CDK4: variants seen among roughly 807,000 people sequenced by gnomAD.
CDK4 encodes cyclin dependent kinase 4, also known as cyclin-dependent kinase 4.
A neutral mutation model predicts 36.7 loss-of-function variants in CDK4; 13 were observed. That is an observed-to-expected ratio of 0.35 (90% CI 0.23 to 0.56). The LOEUF is 0.56. Ranked by LOEUF, CDK4 falls within the 20% of genes least tolerant of loss-of-function variation. The pLI is 0.85. For synonymous variants in CDK4, 158 were observed against 146.4 expected (o/e 1.08, Z -0.57); for missense variants, 285 against 387.3 (o/e 0.74, Z 2.22).
rs876660404 is a variant in CDK4, at chr12:57,748,536, T to G, written c.901A>C (p.Asn301His). ...AGCCACTCCATTGCTCACTCCGGATTACCTTCATCCTTATGTAGATAAGAG... is the reference window on the plus strand; with the variant it reads ...AGCCACTCCATTGCTCACTCCGGATGACCTTCATCCTTATGTAGATAAGAG... Reference protein sequence around the residue: ...QHSYLHKDEGNPE With the variant: ...QHSYLHKDEGHPE The change falls in exon 8 of 8, where the codon AAT (asparagine) becomes CAT (histidine). Residue 301 changes from asparagine (N) to histidine (H), a missense_variant. Coordinates refer to ENST00000257904, the MANE Select transcript of CDK4 (RefSeq NM_000075.4). 1 of 1,612,154 alleles carries G rather than the reference T, an allele frequency of 6.2e-7. No homozygotes were observed. The highest frequency in any genetic ancestry group is 8.5e-7 in the Non-Finnish European group (1 of 1,178,310).
Position 57,751,388 on chromosome 12 carries a change from T to G in CDK4, c.219-46A>C, listed in dbSNP as rs755175900. On this transcript the variant is annotated intron_variant, in intron 2 of 7. Coordinates refer to ENST00000257904, the MANE Select transcript of CDK4 (RefSeq NM_000075.4). The surrounding 1 kb of genome is among the most constrained non-coding windows in gnomAD (Gnocchi z 4.5). ...CTTTTCAATCCCCTTTAACCCAACATGGCCTCTCATTATTTCCTCAGGGTC... is the reference window on the plus strand; with the variant it reads ...CTTTTCAATCCCCTTTAACCCAACAGGGCCTCTCATTATTTCCTCAGGGTC... 3.7e-6 allele frequency: 6 copies of G among 1,613,852 alleles called. No homozygotes were observed. The highest frequency in any genetic ancestry group is 1.7e-6 in the Non-Finnish European group (2 of 1,179,894).
chr12:57,752,182 C>T lies in CDK4; in HGVS notation c.-27G>A, dbSNP rs1955244973. The T allele has an allele frequency of 3.9e-6, 1 of 258,100 alleles. No individual in the cohort carries two copies. The highest frequency in any genetic ancestry group is 7.6e-6 in the Non-Finnish European group (1 of 131,212). 16.0% of individuals were successfully genotyped at this position (258,100 alleles called of 1,614,324 possible). A position where few individuals can be genotyped will look rare whatever the true frequency, so the allele number is the denominator to read the frequency against. On this transcript the variant is annotated 5_prime_UTR_variant, in exon 1 of 8. Transcript: ENST00000257904. Reference sequence around the variant, plus strand: ...GGAAGGGACTGCACTTACCTCACGCCAGCCCGGGGTGCTGTGGGGGCGGCC... The same window carrying T: ...GGAAGGGACTGCACTTACCTCACGCTAGCCCGGGGTGCTGTGGGGGCGGCC...
At chr12:57,749,563 T>C (rs1955207678) in intron 5 of CDK4, 59 bp from the exon 6 acceptor site, 4 of 1,519,688 alleles carry the variant, frequency 2.6e-6, no homozygotes, top group Non-Finnish European at 3.7e-6. Flanking sequence ...AGTTGAATGG[T>C]TACTGCTTAG....
chr12:57,750,916 T>C lies in CDK4; in HGVS notation c.522+7A>G, dbSNP rs1294665075. The C allele has an allele frequency of 6.2e-7, 1 of 1,614,180 alleles. No individual in the cohort carries two copies. Among genetic ancestry groups the C allele is most frequent in the Non-Finnish European group, 8.5e-7 (1 of 1,180,020 alleles). ...AGAACCCATTTTGGTACCATCTTTC[T>C]ACTGACCACGGGTGTAAGTGCCATC... On this transcript the variant is annotated splice_region_variant and intron_variant, in intron 4 of 7. Transcript: ENST00000257904.
intron 6 of CDK4, 43 bp from the exon 7 acceptor site, chr12:57,749,360 TC>T: frequency 1.2e-6 from 2 of 1,613,926 alleles, no homozygotes; most frequent in East Asian, 2.2e-5. Flanking sequence ...GTCCTCCAGT[TC>T]CCATCCCCAT....
In CDK4 at chr12:57,751,213, C is replaced by G. The variant is rs761353033; in HGVS notation, c.348G>C (p.Thr116=). The change falls in exon 3 of 8, where the codon ACG becomes ACC. Residue 116 remains threonine, a synonymous_variant. Transcript: ENST00000257904. The surrounding 1 kb of genome is among the most constrained non-coding windows in gnomAD (Gnocchi z 4.5). ...KAPPPGLPAE[T]IKDLMRQFLR... ...GCCTACCAACCCCACTCACCTTGAT[C>G]GTTTCGGCTGGCAAGCCTGGTGGGG... is the stretch of plus-strand genomic sequence containing the variant. 6.2e-7 allele frequency: 1 copy of G among 1,614,214 alleles called. No individual in the cohort carries two copies. The highest frequency in any genetic ancestry group is 8.5e-7 in the Non-Finnish European group (1 of 1,180,042).
At position 57,751,558 on chromosome 12, in the gene CDK4, C is replaced by G. The variant is rs775085950; in HGVS notation, c.160G>C (p.Val54Leu). The stretch of plus-strand genomic sequence containing the variant: ...CGCCTCAGTAAAGCCACCTCACGAA[C>G]TGTGCTGATGGGAAGGCCTCCTCCA... ...GGGGGLPIST[V>L]REVALLRRLE... Residue 54 changes from valine (V) to leucine (L), a missense_variant, in exon 2 of 8, where the codon GTT (valine) becomes CTT (leucine). Coordinates refer to ENST00000257904, the MANE Select transcript of CDK4 (RefSeq NM_000075.4). The surrounding 1 kb of genome is among the most constrained non-coding windows in gnomAD (Gnocchi z 4.5). The G allele has an allele frequency of 3.1e-6, 5 of 1,614,206 alleles. No individual in the cohort carries two copies. Among genetic ancestry groups the G allele is most frequent in the Non-Finnish European group, 3.4e-6 (4 of 1,180,040 alleles).
At chr12:57,749,387 C>T (rs2140383495) in intron 6 of CDK4, 67 bp downstream of exon 6, 1 of 1,612,660 alleles carries the variant, frequency 6.2e-7, no homozygotes, top group Admixed American at 1.7e-5. Context: ...GAGCCAGTTG[C>T]CATCCTGGGT....
chr12:57,750,879 C>T (rs752243609), intron 4 of CDK4, 44 bp downstream of exon 4: 2 of 1,611,436 alleles, frequency 1.2e-6, no homozygotes, highest in Non-Finnish European at 8.5e-7. Flanking sequence ...AATCACTCTC[C>T]TACTCCCAAC....
In CDK4 at chr12:57,751,796, G is replaced by T; in HGVS notation, c.-19-60C>A. The T allele has an allele frequency of 7.8e-7, 1 of 1,274,922 alleles. No individual in the cohort carries two copies. The highest frequency in any genetic ancestry group is 1.1e-6 in the Non-Finnish European group (1 of 888,338). The allele number at this position is 1,274,922 out of a possible 1,614,324, so 79.0% of individuals were successfully genotyped here. ...TACAGAGTTAGGATGGTATGAGCCT[G>T]CAGCAACAAAGGGACTCCCAAAAAA... On this transcript the variant is annotated intron_variant, in intron 1 of 7. Transcript: ENST00000257904. This position sits in a 1 kb window ranked among gnomAD's most constrained non-coding sequence, Gnocchi z 4.5.
chr12:57,749,526 G>A (rs1955207107), intron 5 of CDK4, 22 bp from the exon 6 acceptor site: 5 of 1,612,324 alleles, frequency 3.1e-6, no homozygotes, highest in Non-Finnish European at 4.2e-6. Flanking sequence ...AGGGATATAA[G>A]GTAGCAGTCA....
Position 57,748,621 on chromosome 12 carries a change from A to G in CDK4, c.820-4T>C, listed in dbSNP as rs750073768. ...GTGGGTTAAAAGTCAGCATTTCCTGAGGGGAGAGGCAAAGGTCAGAAAACC... is the reference window on the plus strand; with the variant it reads ...GTGGGTTAAAAGTCAGCATTTCCTGGGGGGAGAGGCAAAGGTCAGAAAACC... On this transcript the variant is annotated splice_polypyrimidine_tract_variant and splice_region_variant and intron_variant, in intron 7 of 7. Transcript: ENST00000257904. 17 of 1,607,526 alleles carry G rather than the reference A, an allele frequency of 1.1e-5. No homozygotes were observed. In the South Asian group the frequency reaches 1.9e-4, roughly 18 times the overall value.
At position 57,748,623 on chromosome 12, in the gene CDK4, G is replaced by A. The variant is rs754966040; in HGVS notation, c.820-6C>T. 1 of 1,606,932 alleles carries A rather than the reference G, an allele frequency of 6.2e-7. No individual in the cohort carries two copies. The highest frequency in any genetic ancestry group is 1.1e-5 in the South Asian group (1 of 90,934). Reference sequence around the variant, plus strand: ...GGGTTAAAAGTCAGCATTTCCTGAGGGGAGAGGCAAAGGTCAGAAAACCAT... The same window carrying A: ...GGGTTAAAAGTCAGCATTTCCTGAGAGGAGAGGCAAAGGTCAGAAAACCAT... On this transcript the variant is annotated splice_polypyrimidine_tract_variant and splice_region_variant and intron_variant, in intron 7 of 7. Coordinates refer to ENST00000257904, the MANE Select transcript of CDK4 (RefSeq NM_000075.4).
In CDK4 at chr12:57,751,824, A is replaced by G. The variant is rs1955241543; in HGVS notation, c.-19-88T>C. 1 of 944,774 alleles carries G rather than the reference A, an allele frequency of 1.1e-6. No homozygotes were observed. Among genetic ancestry groups the G allele is most frequent in the Non-Finnish European group, 1.6e-6 (1 of 607,340 alleles). 58.5% of individuals were successfully genotyped at this position (944,774 alleles called of 1,614,324 possible). The stretch of plus-strand genomic sequence containing the variant: ...GCAACAAAGGGACTCCCAAAAAAAA[A>G]GCGCAAAGAACACCACCAGCATCCC... On this transcript the variant is annotated intron_variant, in intron 1 of 7. Transcript: ENST00000257904. The surrounding 1 kb of genome is among the most constrained non-coding windows in gnomAD (Gnocchi z 4.5).
chr12:57,751,289 A>G lies in CDK4; in HGVS notation c.272T>C (p.Leu91Pro), dbSNP rs2140387425. Residue 91 changes from leucine (L) to proline (P), a missense_variant, in exon 3 of 8, where the codon CTG (leucine) becomes CCG (proline). Transcript: ENST00000257904. This position sits in a 1 kb window ranked among gnomAD's most constrained non-coding sequence, Gnocchi z 4.5. ...GTCCTGGTCTACATGCTCAAACACC[A>G]GGGTTACCTTGATCTCCCGGTCAGT... ...SRTDREIKVT[L>P]VFEHVDQDLR... The G allele has an allele frequency of 1.2e-6, 2 of 1,614,156 alleles. No individual in the cohort carries two copies. Among genetic ancestry groups the G allele is most frequent in the Non-Finnish European group, 1.7e-6 (2 of 1,180,020 alleles).
intron 7 of CDK4, chr12:57,748,946 TACGC>T: frequency 1.7e-6 from 1 of 593,404 alleles, no homozygotes; most frequent in Non-Finnish European, 3.0e-6. Flanking sequence ...CCTCAGGTGA[TACGC>T]CCACCTTGGC....
chr12:57,751,984 T>G lies in CDK4; in HGVS notation c.-20+191A>C. ...GGGACAATCGCGCCCCGCACAAAGA[T>G]CACACATGACACATGCCTTGCATCG... On this transcript the variant is annotated intron_variant, in intron 1 of 7. Transcript: ENST00000257904. The surrounding 1 kb of genome is among the most constrained non-coding windows in gnomAD (Gnocchi z 4.5). The G allele has an allele frequency of 1.9e-6, 1 of 537,114 alleles. No homozygotes were observed. The highest frequency in any genetic ancestry group is 3.4e-6 in the Non-Finnish European group (1 of 297,530). The allele number at this position is 537,114 out of a possible 1,614,324, so 33.3% of individuals were successfully genotyped here. A position where few individuals can be genotyped will look rare whatever the true frequency, so the allele number is the denominator to read the frequency against.
chr12:57,749,247 T>TG lies in CDK4; in HGVS notation c.753dup (p.Arg252GlnfsTer12), dbSNP rs754187815. 5 of 1,614,012 alleles carry TG rather than the reference T, an allele frequency of 3.1e-6. No individual in the cohort carries two copies. Among genetic ancestry groups the TG allele is most frequent in the Non-Finnish European group, 4.2e-6 (5 of 1,179,932 alleles). On this transcript the variant is annotated frameshift_variant, in exon 7 of 8. Coordinates refer to ENST00000257904, the MANE Select transcript of CDK4 (RefSeq NM_000075.4). LOFTEE classifies it high-confidence loss of function. ...ACCGACTGCACTGGGCGGGGCCCTCTGGGGGGAAAGGCTCCACGGGGCAGG... is the reference window on the plus strand; with the variant it reads ...ACCGACTGCACTGGGCGGGGCCCTCTGGGGGGGAAAGGCTCCACGGGGCAGG...
At chr12:57,750,597 G>T in intron 5 of CDK4, 59 bp downstream of exon 5, 2 of 1,173,092 alleles carry the variant, frequency 1.7e-6, no homozygotes, top group Non-Finnish European at 2.6e-6. Flanking sequence ...GTATGGATGT[G>T]GTTTATGAAC....
Sources: allele counts gnomAD v4.1 joint callset, GRCh38; gene constraint gnomAD v4.1.1; non-coding constraint Gnocchi (gnomAD v3.1); transcripts MANE v1.5; gene names NCBI Gene and HGNC (gene_info 2026-07-23, HGNC 2026-07-21).